The following CHM variants were observed in gnomAD, a reference collection of about 807,000 sequenced individuals.
CHM encodes the protein rab proteins geranylgeranyltransferase component A 1.
A neutral mutation model predicts 49.0 loss-of-function variants in CHM; 10 were observed. That is an observed-to-expected ratio of 0.20 (90% CI 0.13 to 0.35). CHM has a LOEUF of 0.35. CHM is among the 10% of genes least tolerant of loss of function. CHM has a pLI of 1.00. For synonymous variants in CHM, 184 were observed against 167.5 expected (o/e 1.10, Z -0.76); for missense variants, 455 against 478.4 (o/e 0.95, Z 0.46).
chrX:86,027,734 A>G (rs910723524), intron 1 of CHM, among the ~76,000 whole-genome samples, 177 bp from the exon 2 acceptor site: 1 of 111,862 alleles, frequency 8.9e-6, no homozygotes, highest in Non-Finnish European at 1.9e-5. Context: ...TCTTAAACAT[A>G]TACCACTCAT....
At chrX:85,896,153 G>GAA (rs1236621302) in intron 11 of CHM, among the ~76,000 whole-genome samples, 1 of 86,917 alleles carries the variant, frequency 1.2e-5, no homozygotes. Context: ...AAAAAAAAAA[G>GAA]AAAAAAAAAA....
chrX:85,946,505 G>C (rs1929418985), intron 8 of CHM, among the ~76,000 whole-genome samples: 2 of 112,083 alleles, frequency 1.8e-5, no homozygotes, highest in African/African-American at 6.5e-5. Flanking sequence ...CGCTACTTCA[G>C]AGGGTGTAAG....
Position 85,929,258 on chromosome X carries a change from G to A in CHM, c.1167-17920C>T, listed in dbSNP as rs1334190011. Among the ~76,000 whole-genome samples the A allele has an allele frequency of 5.4e-5, 6 of 111,329 alleles. No homozygotes were observed. In the East Asian group the frequency reaches 1.7e-3, roughly 32 times the overall value. On this transcript the variant is annotated intron_variant, in intron 8 of 14. Transcript: ENST00000357749. ...TCCTCTGACACTCACAGTTCCTTCT[G>A]ACTAGAGAGCTCTTCCCTCAAATAT...
chrX:86,016,801 G>T (rs909345902), intron 2 of CHM, among the ~76,000 whole-genome samples: 11 of 111,940 alleles, frequency 9.8e-5, no homozygotes, highest in African/African-American at 3.2e-4. Context: ...GAGGGCCACT[G>T]TCCTCCAGAC....
At chrX:85,909,868 T>C (rs1202229923) in intron 9 of CHM, among the ~76,000 whole-genome samples, 1 of 111,901 alleles carries the variant, frequency 8.9e-6, no homozygotes, top group Non-Finnish European at 1.9e-5. Flanking sequence ...CTTTCTGTCA[T>C]GGGAACATAC....
intron 4 of CHM, among the ~76,000 whole-genome samples, chrX:85,967,342 T>C (rs1930635032): frequency 8.9e-6 from 1 of 112,266 alleles, no homozygotes; most frequent in African/African-American, 3.2e-5. Context: ...ATTCTACTAA[T>C]TTAAAAGTGT....
rs12009059 is a variant in CHM at position 85,958,022 on chromosome X, A to C, written c.820-47T>G. On this transcript the variant is annotated intron_variant, in intron 6 of 14. Transcript: ENST00000357749. ...AGTTAAGAAACTGCTTCCTAATGATATAACTATTCCAAATTACACTTTTTT... is the reference window on the plus strand; with the variant it reads ...AGTTAAGAAACTGCTTCCTAATGATCTAACTATTCCAAATTACACTTTTTT... The C allele has an allele frequency of 0.01, 11,947 of 1,185,758 alleles. 778 individuals are homozygous for C. In the African/African-American group the frequency reaches 0.18, roughly 18 times the overall value.
intron 4 of CHM, among the ~76,000 whole-genome samples, chrX:85,971,855 G>A (rs1195967928): frequency 9.0e-6 from 1 of 111,097 alleles, no homozygotes; most frequent in Non-Finnish European, 1.9e-5. Flanking sequence ...AGATACAAAG[G>A]TTCTCCAAGG....
chrX:85,959,119 T>G, intron 5 of CHM, 142 bp from the exon 6 acceptor site: 1 of 781,532 alleles, frequency 1.3e-6, no homozygotes, highest in Non-Finnish European at 1.8e-6. Context: ...TAACACAATC[T>G]ATTACAGGCT....
chrX:86,021,134 A>ATGTG (rs1933568889), intron 2 of CHM, among the ~76,000 whole-genome samples: 57 of 32,415 alleles, frequency 1.8e-3, no homozygotes, highest in Non-Finnish European at 3.0e-3. Context: ...ACGTATATAT[A>ATGTG]TATATATATA....
At chrX:85,948,286 T>C (rs1929528466) in intron 8 of CHM, among the ~76,000 whole-genome samples, 1 of 112,186 alleles carries the variant, frequency 8.9e-6, no homozygotes, top group African/African-American at 3.2e-5. Context: ...TTAAAGTCTA[T>C]AAACTGCATA....
rs138658906 is a variant in CHM, at chrX:85,915,720, C to T, written c.1167-4382G>A. Reference sequence around the variant, plus strand: ...CAATTGCCACAAAATGAATAAACTACCTAGGAATACAGCTAACTAAGGAGG... The same window carrying T: ...CAATTGCCACAAAATGAATAAACTATCTAGGAATACAGCTAACTAAGGAGG... On this transcript the variant is annotated intron_variant, in intron 8 of 14. Coordinates refer to ENST00000357749, the MANE Select transcript of CHM (RefSeq NM_000390.4). 5.8e-3 allele frequency among the ~76,000 whole-genome samples: 643 copies of T among 111,702 alleles called. 4 individuals carry two copies. The highest frequency in any genetic ancestry group is 0.014 in the Middle Eastern group (3 of 216).
chrX:85,923,511 GAC>G (rs1443951650), intron 8 of CHM, among the ~76,000 whole-genome samples: 1 of 112,029 alleles, frequency 8.9e-6, no homozygotes, highest in Non-Finnish European at 1.9e-5. Flanking sequence ...AGGAACTTGT[GAC>G]AGTTTTAAGA....
Position 85,963,865 on chromosome X carries a change from C to G in CHM, c.502G>C (p.Glu168Gln), listed in dbSNP as rs1023827317. The change falls in exon 5 of 15, where the codon GAA becomes CAA. Residue 168 changes from glutamate (E) to glutamine (Q), a missense_variant. Coordinates refer to ENST00000357749, the MANE Select transcript of CHM (RefSeq NM_000390.4). Reference protein sequence around the residue: ...TPSSDPENALEVNGAEVTGEK... With the variant: ...TPSSDPENALQVNGAEVTGEK... ...CCTGTCACTTCAGCACCATTTACTT[C>G]TAGCGCATTCTCTGGATCGCTGCTT... is the stretch of plus-strand genomic sequence containing the variant. The G allele has an allele frequency of 7.4e-6, 9 of 1,209,199 alleles. No individual in the cohort carries two copies. The highest frequency in any genetic ancestry group is 1.0e-5 in the Non-Finnish European group (9 of 895,100).
chrX:85,883,822 T>A (rs946269754), intron 12 of CHM, among the ~76,000 whole-genome samples: 6 of 110,741 alleles, frequency 5.4e-5, no homozygotes, highest in Non-Finnish European at 7.6e-5. Context: ...TCACATTATA[T>A]ATTCACAAAT....
intron 2 of CHM, among the ~76,000 whole-genome samples, chrX:85,995,228 CAAAGT>C (rs1489973294): frequency 4.7e-5 from 4 of 85,645 alleles, no homozygotes; most frequent in African/African-American, 1.8e-4. Context: ...TTCTGCCCTC[CAAAGT>C]AAAGGGTGAA....
At position 85,863,124 on chromosome X, in the gene CHM, GCT is replaced by G. The variant is rs1326739839; in HGVS notation, c.*1504_*1505del. ...TTTTTTTTTTGTGAGACAGAGTCTT[GCT>G]CTGTCACCCAGGCTGGAGTGCAGTG... On this transcript the variant is annotated 3_prime_UTR_variant, in exon 15 of 15. Coordinates refer to ENST00000357749, the MANE Select transcript of CHM (RefSeq NM_000390.4). 1 of 104,784 alleles carries G rather than the reference GCT, an allele frequency of 9.5e-6. No homozygotes were observed. The highest frequency in any genetic ancestry group is 1.0e-4 in the Admixed American group (1 of 9,702). 8.6% of individuals were successfully genotyped at this position (104,784 alleles called of 1,213,427 possible). A position where few individuals can be genotyped will look rare whatever the true frequency, so the allele number is the denominator to read the frequency against.
chrX:85,976,514 C>T (rs1335497425), intron 4 of CHM, among the ~76,000 whole-genome samples: 3 of 109,527 alleles, frequency 2.7e-5, no homozygotes, highest in Non-Finnish European at 3.8e-5. Context: ...CCCAGCTACT[C>T]GGGAGGCTGA....
chrX:86,014,592 A>G (rs936036312), intron 2 of CHM, among the ~76,000 whole-genome samples: 1 of 112,902 alleles, frequency 8.9e-6, no homozygotes, highest in African/African-American at 3.2e-5. Flanking sequence ...GGCGAGGCCC[A>G]GGCAGTGGGG....
Sources: gnomAD v4.1 joint callset for allele counts (sites outside exome capture counted in the v4.1 genomes callset) on GRCh38, gnomAD v4.1.1 for gene constraint, MANE v1.5 for transcripts, NCBI Gene and HGNC (gene_info 2026-07-23, HGNC 2026-07-21) for gene names.